The following ZNF24 variants were observed in gnomAD, a reference collection of about 807,000 sequenced individuals.
ZNF24 encodes the protein zinc finger protein 24, also known as retinoic acid suppression protein A.
ZNF24 carries 11 observed loss-of-function variants against 40.9 expected under a neutral mutation model. That is an observed-to-expected ratio of 0.27 (90% confidence interval 0.17 to 0.45). The LOEUF is 0.45. ZNF24 is among the 20% of genes least tolerant of loss of function. The pLI, the probability that ZNF24 is intolerant of heterozygous loss-of-function variation, is 1.00. For missense variants in ZNF24, 293 were observed against 437.7 expected, an observed-to-expected ratio of 0.67 and a Z score of 2.95; for synonymous variants, 139 against 154.7, an observed-to-expected ratio of 0.90 and a Z score of 0.75.
At chr18:35,341,800 CT>C (rs1343709661) in intron 1 of ZNF24, among the ~76,000 whole-genome samples, 1 of 152,180 alleles carries the variant, frequency 6.6e-6, no homozygotes, top group Non-Finnish European at 1.5e-5. Flanking sequence ...AGGAGGATCA[CT>C]AAAGACCAGG....
intron 1 of ZNF24, among the ~76,000 whole-genome samples, chr18:35,341,621 G>T (rs1017488711): frequency 6.6e-6 from 1 of 152,102 alleles, no homozygotes; most frequent in Non-Finnish European, 1.5e-5. Context: ...CCTTCCAGTG[G>T]GACAAGATAT....
At chr18:35,338,549 T>C (rs1420251760) in intron 3 of ZNF24, 3 of 986,172 alleles carry the variant, frequency 3.0e-6, no homozygotes, top group Non-Finnish European at 2.4e-6. Flanking sequence ...TTTAAGACTT[T>C]TCTAAAACTT....
chr18:35,343,597 T>C (rs1299551106), intron 1 of ZNF24: 1 of 152,196 alleles, frequency 6.6e-6, no homozygotes, highest in Admixed American at 6.5e-5. Flanking sequence ...AAGTAATACA[T>C]ACTGGTTTAA....
At chr18:35,339,049 C>A in intron 3 of ZNF24, 2 of 1,536,038 alleles carry the variant, frequency 1.3e-6, no homozygotes, top group Non-Finnish European at 1.7e-6. Flanking sequence ...CCAGCACCAT[C>A]TCCAACTACT....
chr18:35,344,406 G>C lies in ZNF24; in HGVS notation c.-130C>G, dbSNP rs926520250. The stretch of plus-strand genomic sequence containing the variant: ...GAACCGCAGCAGCTTCGCTGTCCAC[G>C]GCAGACGCAGAAACGCCGTTCACAA... On this transcript the variant is annotated 5_prime_UTR_variant, in exon 1 of 4. Coordinates refer to ENST00000261332, the MANE Select transcript of ZNF24 (RefSeq NM_006965.4). The C allele has an allele frequency of 6.6e-6, 1 of 152,360 alleles. No homozygotes were observed. The highest frequency in any genetic ancestry group is 1.9e-4 in the East Asian group (1 of 5,204). The allele number at this position is 152,360 out of a possible 1,614,324, so 9.4% of individuals were successfully genotyped here.
At chr18:35,339,153 G>T in intron 3 of ZNF24, 2 of 1,006,286 alleles carry the variant, frequency 2.0e-6, no homozygotes, top group South Asian at 1.4e-5. Context: ...GAATATACTG[G>T]GCCATATCAA....
At position 35,335,785 on chromosome 18, in the gene ZNF24, G is replaced by A. The variant is rs1350917733; in HGVS notation, c.*1447C>T. The A allele has an allele frequency of 6.6e-6, 1 of 151,926 alleles. No homozygotes were observed. The highest frequency in any genetic ancestry group is 2.4e-5 in the African/African-American group (1 of 41,408). 9.4% of individuals were successfully genotyped at this position (151,926 alleles called of 1,614,324 possible). A position where few individuals can be genotyped will look rare whatever the true frequency, so the allele number is the denominator to read the frequency against. On this transcript the variant is annotated 3_prime_UTR_variant, in exon 4 of 4. Coordinates refer to ENST00000261332, the MANE Select transcript of ZNF24 (RefSeq NM_006965.4). ...CTGAAAATTAAAAAAAAATTCAATT[G>A]TGATAGGTTAATAAACTAGTTAATT...
chr18:35,337,901 G>A, intron 3 of ZNF24, 131 bp from the exon 4 acceptor site: 1 of 703,338 alleles, frequency 1.4e-6, no homozygotes, highest in Middle Eastern at 4.4e-4. Flanking sequence ...TGGTGTTAAG[G>A]CCTATTCTCA....
chr18:35,343,531 A>C (rs1363581412), intron 1 of ZNF24, among the ~76,000 whole-genome samples: 1 of 152,220 alleles, frequency 6.6e-6, no homozygotes, highest in Non-Finnish European at 1.5e-5. Flanking sequence ...AACTTAAAAA[A>C]ACTTATTGTA....
intron 3 of ZNF24, chr18:35,339,165 G>C: frequency 4.6e-6 from 4 of 871,154 alleles, no homozygotes; most frequent in Non-Finnish European, 7.4e-6. Flanking sequence ...CCATATCAAA[G>C]GATACACATA....
chr18:35,341,884 T>C (rs1277313860), intron 1 of ZNF24, among the ~76,000 whole-genome samples: 1 of 151,908 alleles, frequency 6.6e-6, no homozygotes, highest in Non-Finnish European at 1.5e-5. Context: ...ACCCTGTCTC[T>C]AAAAAATGAA....
In ZNF24 at chr18:35,342,196, A is replaced by T. The variant is rs1050909091; in HGVS notation, c.-83-1463T>A. Among the ~76,000 whole-genome samples, 5 of 126,288 alleles carry T rather than the reference A, an allele frequency of 4.0e-5. No individual in the cohort carries two copies. The South Asian group carries it at 1.1e-3, about 28-fold the overall frequency. 82.8% of individuals were successfully genotyped at this position (126,288 alleles called of 152,430 possible). On this transcript the variant is annotated intron_variant, in intron 1 of 3. Transcript: ENST00000261332. The stretch of plus-strand genomic sequence containing the variant: ...GGCGACAGAGCGAGACTCTGTCTAT[A>T]AAAAAAAAAAAGCAAAAAGCTTACA...
intron 1 of ZNF24, among the ~76,000 whole-genome samples, chr18:35,343,583 A>C (rs2044988694): frequency 6.6e-6 from 1 of 152,268 alleles, no homozygotes; most frequent in African/African-American, 2.4e-5. Context: ...AGGCCTTATC[A>C]GACAAGTAAT....
chr18:35,335,835 G>C lies in ZNF24; in HGVS notation c.*1397C>G, dbSNP rs2044902045. 1 of 152,048 alleles carries C rather than the reference G, an allele frequency of 6.6e-6. No homozygotes were observed. Among genetic ancestry groups the C allele is most frequent in the Admixed American group, 6.6e-5 (1 of 15,250 alleles). 9.4% of individuals were successfully genotyped at this position (152,048 alleles called of 1,614,324 possible). The stretch of plus-strand genomic sequence containing the variant: ...TGTCTAGTTGTTTATTTTTTAAATA[G>C]AACAGTCCATTCAACTTAATATGTA... On this transcript the variant is annotated 3_prime_UTR_variant, in exon 4 of 4. Coordinates refer to ENST00000261332, the MANE Select transcript of ZNF24 (RefSeq NM_006965.4).
intron 3 of ZNF24, chr18:35,339,001 T>C: frequency 6.5e-7 from 1 of 1,535,020 alleles, no homozygotes; most frequent in Non-Finnish European, 8.7e-7. Flanking sequence ...TCCCCTCAGA[T>C]GTGAAGAAAA....
At position 35,336,126 on chromosome 18, in the gene ZNF24, C is replaced by T. The variant is rs987896027; in HGVS notation, c.*1106G>A. 1.3e-5 allele frequency: 2 copies of T among 152,644 alleles called. No homozygotes were observed. Among genetic ancestry groups the T allele is most frequent in the Non-Finnish European group, 2.9e-5 (2 of 68,050 alleles). The allele number at this position is 152,644 out of a possible 1,614,324, so 9.5% of individuals were successfully genotyped here. A position where few individuals can be genotyped will look rare whatever the true frequency, so the allele number is the denominator to read the frequency against. ...TAAAACAGCAAACCCCTATGATTTA[C>T]AGTGGAAGAAATACCTACCTACTTA... is the stretch of plus-strand genomic sequence containing the variant. On this transcript the variant is annotated 3_prime_UTR_variant, in exon 4 of 4. Coordinates refer to ENST00000261332, the MANE Select transcript of ZNF24 (RefSeq NM_006965.4).
In ZNF24 at chr18:35,333,897, T is replaced by C. The variant is rs938024705; in HGVS notation, c.*3335A>G. Reference sequence around the variant, plus strand: ...ACAGAATATTCATGCAATGGAATAGTATATAGTTATGAAAAAAGAACATCT... The same window carrying C: ...ACAGAATATTCATGCAATGGAATAGCATATAGTTATGAAAAAAGAACATCT... On this transcript the variant is annotated 3_prime_UTR_variant, in exon 4 of 4. Coordinates refer to ENST00000261332, the MANE Select transcript of ZNF24 (RefSeq NM_006965.4). 2 of 152,178 alleles carry C rather than the reference T, an allele frequency of 1.3e-5. No homozygotes were observed. The highest frequency in any genetic ancestry group is 2.9e-5 in the Non-Finnish European group (2 of 68,042). The allele number at this position is 152,178 out of a possible 1,614,324, so 9.4% of individuals were successfully genotyped here.
intron 1 of ZNF24, among the ~76,000 whole-genome samples, chr18:35,341,065 G>A (rs2044964301): frequency 6.6e-6 from 1 of 152,148 alleles, no homozygotes. Flanking sequence ...CTCATGACAC[G>A]TGAAAATGAT....
rs1211261845 is a variant in ZNF24 at position 35,337,418 on chromosome 18, G to A, written c.921C>T (p.Tyr307=). The part of the protein sequence containing the change: ...HQRVHTGEKP[Y]KCLECGKAFS... The stretch of plus-strand genomic sequence containing the variant: ...AGGCTTTCCCACATTCAAGACATTT[G>A]TAAGGTTTTTCTCCAGTGTGGACTC... Residue 307 remains tyrosine (Y), a synonymous_variant, in exon 4 of 4, where the codon TAC becomes TAT. Transcript: ENST00000261332. 8 of 1,613,830 alleles carry A rather than the reference G, an allele frequency of 5.0e-6. No homozygotes were observed. Among genetic ancestry groups the A allele is most frequent in the Non-Finnish European group, 6.8e-6 (8 of 1,179,942 alleles).
Sources: allele counts gnomAD v4.1 joint callset (sites outside exome capture counted in the v4.1 genomes callset), GRCh38; gene constraint gnomAD v4.1.1; transcripts MANE v1.5; gene names NCBI Gene and HGNC (gene_info 2026-07-23, HGNC 2026-07-21).